The following GABRG3 variants were observed in gnomAD, a reference collection of about 807,000 sequenced individuals.
GABRG3 encodes gamma-aminobutyric acid type A receptor subunit gamma3.
A neutral mutation model predicts 48.8 loss-of-function variants in GABRG3; 25 were observed. The observed-to-expected ratio is 0.51, with a 90% confidence interval of 0.37 to 0.72. GABRG3 has a LOEUF of 0.72. Ranked by LOEUF, GABRG3 falls within the 30% of genes least tolerant of loss-of-function variation. GABRG3 has a pLI of 0.00. For missense variants in GABRG3, 394 were observed against 577.9 expected (o/e 0.68, Z 3.26); for synonymous variants, 227 against 217.6 (o/e 1.04, Z -0.38).
chr15:27,299,767 G>C (rs550571799), intron 3 of GABRG3, among the ~76,000 whole-genome samples: 1 of 152,096 alleles, frequency 6.6e-6, no homozygotes, highest in African/African-American at 2.4e-5. Context: ...TTCTCTCTGC[G>C]TCTTTCCTCA....
intron 2 of GABRG3, among the ~76,000 whole-genome samples, chr15:27,008,678 C>T (rs1158220489): frequency 6.6e-6 from 1 of 151,950 alleles, no homozygotes; most frequent in Non-Finnish European, 1.5e-5. Context: ...CCCTACCATC[C>T]CCCTGCAAAA....
At chr15:27,310,039 G>T (rs558262913) in intron 3 of GABRG3, among the ~76,000 whole-genome samples, 1 of 152,184 alleles carries the variant, frequency 6.6e-6, no homozygotes, top group East Asian at 1.9e-4. Context: ...GAGGCATTAT[G>T]CTAGGGAATG....
chr15:27,433,275 G>A (rs1045743313), intron 5 of GABRG3, among the ~76,000 whole-genome samples: 7 of 152,196 alleles, frequency 4.6e-5, no homozygotes, highest in African/African-American at 1.7e-4. Context: ...AAAACTTAGT[G>A]GCTTAAAACA....
intron 5 of GABRG3, among the ~76,000 whole-genome samples, chr15:27,451,426 C>A (rs1395742768): frequency 6.6e-6 from 1 of 152,040 alleles, no homozygotes; most frequent in African/African-American, 2.4e-5. Context: ...ATGACAAGAA[C>A]ATGAAATGGG....
intron 3 of GABRG3, among the ~76,000 whole-genome samples, chr15:27,120,778 G>GT (rs1378451879): frequency 6.6e-6 from 1 of 151,990 alleles, no homozygotes; most frequent in Non-Finnish European, 1.5e-5. Context: ...AATCTCTTAA[G>GT]TTTTTTGACC....
chr15:27,508,932 G>T (rs1227683972), intron 6 of GABRG3, among the ~76,000 whole-genome samples: 1 of 152,078 alleles, frequency 6.6e-6, no homozygotes, highest in Non-Finnish European at 1.5e-5. Context: ...TGTTAGCCGG[G>T]ATGCTTTCAA....
intron 3 of GABRG3, among the ~76,000 whole-genome samples, chr15:27,162,945 G>C (rs891101272): frequency 1.6e-4 from 25 of 151,964 alleles, no homozygotes. Context: ...AGCTCCACGT[G>C]ATCACGTGGA....
chr15:27,476,878 C>A (rs925770425), intron 5 of GABRG3, among the ~76,000 whole-genome samples: 2 of 152,152 alleles, frequency 1.3e-5, no homozygotes, highest in African/African-American at 2.4e-5. Context: ...TATAGTCAAA[C>A]TAACAATGTT....
chr15:27,308,771 T>G (rs1892867708), intron 3 of GABRG3, among the ~76,000 whole-genome samples: 1 of 150,108 alleles, frequency 6.7e-6, no homozygotes, highest in South Asian at 2.2e-4. Context: ...AACATACGTT[T>G]ATATATAAAA....
intron 6 of GABRG3, among the ~76,000 whole-genome samples, chr15:27,507,340 C>T (rs1020409102): frequency 1.3e-5 from 2 of 151,954 alleles, no homozygotes; most frequent in Non-Finnish European, 2.9e-5. Flanking sequence ...CCCATATCTA[C>T]TAAAAATACA....
chr15:27,174,118 T>C (rs1239444330), intron 3 of GABRG3, among the ~76,000 whole-genome samples: 3 of 152,174 alleles, frequency 2.0e-5, no homozygotes, highest in Non-Finnish European at 4.4e-5. Context: ...ATGGCAATGT[T>C]ATTTTACTAC....
intron 3 of GABRG3, among the ~76,000 whole-genome samples, chr15:27,133,157 A>AT (rs531539511): frequency 2.0e-5 from 3 of 151,550 alleles, no homozygotes; most frequent in East Asian, 3.9e-4. Flanking sequence ...TATTATTGAG[A>AT]TTTTTTTCCC....
Position 26,974,410 on chromosome 15 carries a change from G to T in GABRG3, c.54-2592G>T, listed in dbSNP as rs764184717. On this transcript the variant is annotated intron_variant, in intron 1 of 9. Coordinates refer to ENST00000615808, the MANE Select transcript of GABRG3 (RefSeq NM_033223.5). This position sits in a 1 kb window ranked among gnomAD's most constrained non-coding sequence, Gnocchi z 4.3. Reference sequence around the variant, plus strand: ...GTATATAGAGAATGATGAAAAGCTGGTTACTGTGCTCGGTTTGTGTGTATG... The same window carrying T: ...GTATATAGAGAATGATGAAAAGCTGTTTACTGTGCTCGGTTTGTGTGTATG... Among the ~76,000 whole-genome samples the T allele has an allele frequency of 6.6e-6, 1 of 152,182 alleles. No individual in the cohort carries two copies.
chr15:27,099,477 T>A (rs1897319964), intron 3 of GABRG3, among the ~76,000 whole-genome samples: 1 of 152,164 alleles, frequency 6.6e-6, no homozygotes. Flanking sequence ...CTTCTTATGA[T>A]TTTTCTTTTT....
intron 5 of GABRG3, among the ~76,000 whole-genome samples, chr15:27,429,146 C>T (rs1888376343): frequency 6.6e-6 from 1 of 152,024 alleles, no homozygotes; most frequent in Admixed American, 6.6e-5. Context: ...AATTACTTGA[C>T]CACACTAATA....
chr15:27,104,454 G>T (rs745589542), intron 3 of GABRG3, among the ~76,000 whole-genome samples: 2 of 152,140 alleles, frequency 1.3e-5, no homozygotes, highest in Non-Finnish European at 2.9e-5. Flanking sequence ...TTGTTTATTG[G>T]TTGGTTTGTT....
At chr15:27,417,796 G>A (rs1471741895) in intron 5 of GABRG3, among the ~76,000 whole-genome samples, 1 of 152,186 alleles carries the variant, frequency 6.6e-6, no homozygotes, top group Non-Finnish European at 1.5e-5. Flanking sequence ...GATCTGCCAG[G>A]TGCCTGTCAC....
chr15:27,422,212 T>TGC (rs1409329745), intron 5 of GABRG3, among the ~76,000 whole-genome samples: 10 of 152,158 alleles, frequency 6.6e-5, no homozygotes, highest in African/African-American at 2.4e-4. Context: ...GGGAATGGGC[T>TGC]ATAAATCCAC....
intron 3 of GABRG3, among the ~76,000 whole-genome samples, chr15:27,079,015 C>A (rs1345380919): frequency 6.6e-6 from 1 of 152,174 alleles, no homozygotes; most frequent in African/African-American, 2.4e-5. Context: ...GGGGCAGAGA[C>A]TGGAGTGATG....
Sources: allele counts gnomAD v4.1 joint callset (sites outside exome capture counted in the v4.1 genomes callset), GRCh38; gene constraint gnomAD v4.1.1; non-coding constraint Gnocchi (gnomAD v3.1); transcripts MANE v1.5; gene names NCBI Gene and HGNC (gene_info 2026-07-23, HGNC 2026-07-21).